HYDIN: variants seen among roughly 807,000 people sequenced by gnomAD.
The protein encoded by HYDIN is HYDIN axonemal central pair apparatus protein, also known as axonemal central pair apparatus protein HYDIN.
HYDIN carries 132 observed loss-of-function variants against 403.9 expected under a neutral mutation model. The observed-to-expected ratio is 0.33, with a 90% CI of 0.28 to 0.38. The LOEUF (loss-of-function observed/expected upper bound fraction) is 0.38. Ranked by LOEUF, HYDIN falls within the 10% of genes least tolerant of loss-of-function variation. HYDIN has a pLI of 1.00. For missense variants in HYDIN, 2,827 were observed against 5,009.5 expected (o/e 0.56, Z 13.15); for synonymous variants, 1,202 against 1,891.7 (o/e 0.64, Z 9.46).
At chr16:71,109,197 A>G (rs7206635) in intron 10 of HYDIN, among the ~76,000 whole-genome samples, 4,802 of 145,830 alleles carry the variant, frequency 0.033, 348 homozygotes, top group African/African-American at 0.12. Flanking sequence ...GTAATTTCTG[A>G]ATCTGCATTC....
chr16:70,902,821 A>ATATATTTTTTTTTTT, intron 52 of HYDIN, among the ~76,000 whole-genome samples: 1 of 47,314 alleles, frequency 2.1e-5, no homozygotes, highest in African/African-American at 1.2e-4. Flanking sequence ...ATATATATAT[A>ATATATTTTTTTTTTT]TTTTTTTTTT....
chr16:71,061,861 A>AGTGT (rs66689823), intron 17 of HYDIN, among the ~76,000 whole-genome samples: 30,483 of 143,908 alleles, frequency 0.21, 3,526 homozygotes, highest in East Asian at 0.34. Context: ...CATGTGTGAC[A>AGTGT]GTGTGTGTGT....
chr16:71,183,508 T>C (rs555420592), intron 3 of HYDIN, among the ~76,000 whole-genome samples: 98 of 152,212 alleles, frequency 6.4e-4, no homozygotes, highest in African/African-American at 2.2e-3. Context: ...CAAACAATCT[T>C]TGGGCACATG....
intron 75 of HYDIN, among the ~76,000 whole-genome samples, chr16:70,841,010 G>A (rs2037782362): frequency 6.6e-6 from 1 of 151,942 alleles, no homozygotes; most frequent in African/African-American, 2.4e-5. Context: ...AGCATCATTA[G>A]AATAAACATT....
At chr16:70,990,320 A>C (rs2079306191) in intron 25 of HYDIN, among the ~76,000 whole-genome samples, 1 of 136,896 alleles carries the variant, frequency 7.3e-6, no homozygotes, top group African/African-American at 2.7e-5. Context: ...GCTTGAACCC[A>C]GGAGGTGGAG....
intron 15 of HYDIN, 36 bp downstream of exon 15, chr16:71,067,254 G>C (rs368137888): frequency 1.5e-6 from 2 of 1,365,260 alleles, no homozygotes; most frequent in African/African-American, 1.5e-5. Context: ...GAGGCTCGGG[G>C]GCGACTCAGG....
At chr16:71,003,882 T>C (rs1169077262) in intron 23 of HYDIN, among the ~76,000 whole-genome samples, 2 of 152,050 alleles carry the variant, frequency 1.3e-5, no homozygotes, top group African/African-American at 4.8e-5. Context: ...TTCTAGTAAT[T>C]TGTCTGTTGA....
At chr16:71,198,600 GA>G (rs2087826786) in intron 1 of HYDIN, among the ~76,000 whole-genome samples, 1 of 152,166 alleles carries the variant, frequency 6.6e-6, no homozygotes, top group South Asian at 2.1e-4. Context: ...TTAGCCCAGT[GA>G]GTCATATTAT....
rs1346367495 is a variant in HYDIN at position 70,862,186 on chromosome 16, T to C, written c.11639A>G (p.Asp3880Gly). The change falls in exon 69 of 86, where the codon GAC (aspartate) becomes GGC (glycine). Residue 3880 changes from aspartate to glycine, a missense_variant. By Grantham distance (94) the Asp-to-Gly change is moderately conservative. Transcript: ENST00000393567. ...HTGSTLDSTM[D>G]HWAEGSPQPF... ...CTGTGGGGAACCCTCGGCCCAGTGG[T>C]CCATGGTGCTGTCCAGGGTGCTGCC... The C allele has an allele frequency of 6.2e-7, 1 of 1,613,404 alleles. No homozygotes were observed. The highest frequency in any genetic ancestry group is 1.7e-5 in the Admixed American group (1 of 59,956).
At chr16:70,980,887 T>A (rs1267491512) in intron 29 of HYDIN, among the ~76,000 whole-genome samples, 1 of 152,152 alleles carries the variant, frequency 6.6e-6, no homozygotes, top group Non-Finnish European at 1.5e-5. Flanking sequence ...GGGCCAGATG[T>A]AACTGGGAAA....
intron 1 of HYDIN, among the ~76,000 whole-genome samples, chr16:71,212,553 T>C (rs1388742582): frequency 6.6e-6 from 1 of 152,122 alleles, no homozygotes; most frequent in Non-Finnish European, 1.5e-5. Context: ...GATAAAATAA[T>C]GGAATTTAGA....
At chr16:71,229,145 G>A (rs1240262206) in intron 1 of HYDIN, among the ~76,000 whole-genome samples, 4 of 133,044 alleles carry the variant, frequency 3.0e-5, no homozygotes, top group Admixed American at 7.8e-5. Context: ...ATCACACACC[G>A]GGGCCTGTTG....
intron 18 of HYDIN, among the ~76,000 whole-genome samples, chr16:71,049,349 C>T (rs531686598): frequency 7.9e-5 from 12 of 152,130 alleles, no homozygotes; most frequent in East Asian, 1.9e-4. Flanking sequence ...TGGTGGTGGA[C>T]GTGGTGGTGT....
At chr16:70,979,875 G>C (rs141865133) in intron 29 of HYDIN, among the ~76,000 whole-genome samples, 1,680 of 152,258 alleles carry the variant, frequency 0.011, 13 homozygotes, top group Non-Finnish European at 0.017. Context: ...AGGGAGCTGA[G>C]ACCCCGTCAC....
At chr16:70,812,891 T>C (rs1934680) in intron 84 of HYDIN, among the ~76,000 whole-genome samples, 1 of 152,200 alleles carries the variant, frequency 6.6e-6, no homozygotes, top group South Asian at 2.1e-4. Flanking sequence ...TGACCACTGG[T>C]ATATGGCAGA....
At chr16:70,882,982 C>G in intron 59 of HYDIN, 87 bp from the exon 60 acceptor site, 1 of 1,089,798 alleles carries the variant, frequency 9.2e-7, no homozygotes, top group Non-Finnish European at 1.4e-6. Flanking sequence ...TGGATTCTCA[C>G]AAAGGAGAAT....
chr16:70,809,103 A>G (rs1221861271), intron 85 of HYDIN, among the ~76,000 whole-genome samples: 2 of 152,152 alleles, frequency 1.3e-5, no homozygotes, highest in Non-Finnish European at 2.9e-5. Context: ...TTAAATAGAG[A>G]TGAGGTCTCG....
chr16:71,110,760 A>G (rs1216426774), intron 10 of HYDIN, among the ~76,000 whole-genome samples: 2 of 143,758 alleles, frequency 1.4e-5, no homozygotes, highest in Non-Finnish European at 3.0e-5. Context: ...CCTCTTTTAC[A>G]CAGAAAAAAG....
chr16:71,153,609 G>A (rs574223211), intron 6 of HYDIN, among the ~76,000 whole-genome samples: 5,524 of 151,452 alleles, frequency 0.036, 377 homozygotes, highest in African/African-American at 0.13. Flanking sequence ...TTGTCTACCA[G>A]ACCCTCACTG....
Sources: gnomAD v4.1 joint callset for allele counts (sites outside exome capture counted in the v4.1 genomes callset) on GRCh38, gnomAD v4.1.1 for gene constraint, MANE v1.5 for transcripts, NCBI Gene and HGNC (gene_info 2026-07-23, HGNC 2026-07-21) for gene names.